The following SSBP2 variants were observed in gnomAD, a reference collection of about 807,000 sequenced individuals.
SSBP2 encodes single stranded DNA binding protein 2, also known as single-stranded DNA-binding protein 2.
SSBP2 carries 17 observed loss-of-function variants against 61.8 expected under a neutral mutation model. The observed-to-expected ratio is 0.28, with a 90% CI of 0.19 to 0.41. The LOEUF is 0.41. Among genes scored for constraint, SSBP2 ranks in the 10% least tolerant of loss-of-function variants. The probability of loss-of-function intolerance (pLI) is 1.00; values close to 1 mark genes in which losing one functional copy is unlikely to be tolerated. For missense variants in SSBP2, 310 were observed against 458.7 expected, an observed-to-expected ratio of 0.68 and a Z score of 2.96; for synonymous variants, 139 against 141.3, an observed-to-expected ratio of 0.98 and a Z score of 0.12.
chr5:81,735,822 C>T lies in SSBP2; in HGVS notation c.62+15159G>A, dbSNP rs542381527. The stretch of plus-strand genomic sequence containing the variant: ...CCATAAAATATTAGATAAAATAGAA[C>T]ATCGATAACCATACTTTATCATTTC... On this transcript the variant is annotated intron_variant, in intron 1 of 16. Coordinates refer to ENST00000320672, the MANE Select transcript of SSBP2 (RefSeq NM_012446.5). Among the ~76,000 whole-genome samples, 15 of 152,196 alleles carry T rather than the reference C, an allele frequency of 9.9e-5. 1 individual carries two copies. The South Asian group carries it at 2.1e-3, about 21-fold the overall frequency.
intron 5 of SSBP2, among the ~76,000 whole-genome samples, chr5:81,511,177 T>C (rs759162039): frequency 1.1e-4 from 16 of 152,204 alleles, no homozygotes; most frequent in Non-Finnish European, 1.6e-4. Flanking sequence ...ATTTACTATT[T>C]TGACAATACT....
At position 81,745,566 on chromosome 5, in the gene SSBP2, CAT is replaced by C. The variant is rs113839094; in HGVS notation, c.62+5413_62+5414del. On this transcript the variant is annotated intron_variant, in intron 1 of 16. Transcript: ENST00000320672. Reference sequence around the variant, plus strand: ...TTTAGCATACGCTTACAGAGGCTCACATGTCACTAGCATGCAAATATATAATC... The same window carrying C: ...TTTAGCATACGCTTACAGAGGCTCACGTCACTAGCATGCAAATATATAATC... Among the ~76,000 whole-genome samples, 119 of 152,210 alleles carry C rather than the reference CAT, an allele frequency of 7.8e-4. 3 individuals are homozygous for C. The East Asian group carries it at 0.016, about 20-fold the overall frequency.
At chr5:81,633,935 G>A (rs762889879) in intron 3 of SSBP2, among the ~76,000 whole-genome samples, 5 of 152,102 alleles carry the variant, frequency 3.3e-5, no homozygotes, top group Admixed American at 1.3e-4. Flanking sequence ...GGACTTATTC[G>A]TGTTCCATCC....
rs1039604530 is a variant in SSBP2, at chr5:81,668,489, A to G, written c.63-18150T>C. On this transcript the variant is annotated intron_variant, in intron 1 of 16. Coordinates refer to ENST00000320672, the MANE Select transcript of SSBP2 (RefSeq NM_012446.5). ...TTTTCGTTAAAAAAAGAAACTAAACATAATTATAAAACTGCATTTTTACTT... is the reference window on the plus strand; with the variant it reads ...TTTTCGTTAAAAAAAGAAACTAAACGTAATTATAAAACTGCATTTTTACTT... Among the ~76,000 whole-genome samples the G allele has an allele frequency of 1.6e-4, 24 of 152,062 alleles. 1 individual carries two copies. Among genetic ancestry groups the G allele is most frequent in the Non-Finnish European group, 8.8e-5 (6 of 67,988 alleles).
chr5:81,487,561 A>T (rs975207703), intron 6 of SSBP2, among the ~76,000 whole-genome samples: 1 of 152,066 alleles, frequency 6.6e-6, no homozygotes, highest in African/African-American at 2.4e-5. Flanking sequence ...AGTAAACAAA[A>T]GTATGTTCAT....
intron 10 of SSBP2, among the ~76,000 whole-genome samples, chr5:81,453,022 T>C (rs1188278775): frequency 6.6e-6 from 1 of 151,224 alleles, no homozygotes; most frequent in Non-Finnish European, 1.5e-5. Context: ...AGACCAGGCA[T>C]GGCAGCTCAC....
At chr5:81,570,012 G>C (rs1002370972) in intron 4 of SSBP2, among the ~76,000 whole-genome samples, 6 of 151,718 alleles carry the variant, frequency 4.0e-5, no homozygotes, top group South Asian at 4.2e-4. Context: ...TTAGAACTCT[G>C]ATTTAAAAAA....
intron 4 of SSBP2, among the ~76,000 whole-genome samples, chr5:81,515,056 T>C (rs1306767778): frequency 1.3e-5 from 2 of 152,072 alleles, no homozygotes; most frequent in Non-Finnish European, 2.9e-5. Context: ...CATTTGTCAG[T>C]TATTGCTCTA....
At chr5:81,735,888 C>G (rs1192189182) in intron 1 of SSBP2, among the ~76,000 whole-genome samples, 1 of 152,140 alleles carries the variant, frequency 6.6e-6, no homozygotes, top group Non-Finnish European at 1.5e-5. Flanking sequence ...AGCTTATCCT[C>G]TTAAAAATGA....
At chr5:81,675,056 A>T (rs1041266498) in intron 1 of SSBP2, among the ~76,000 whole-genome samples, 1 of 152,218 alleles carries the variant, frequency 6.6e-6, no homozygotes, top group African/African-American at 2.4e-5. Context: ...GAAATACCAT[A>T]GAAGCTCCAA....
intron 1 of SSBP2, among the ~76,000 whole-genome samples, chr5:81,730,360 G>GATTAC (rs1304430057): frequency 2.0e-5 from 3 of 152,148 alleles, no homozygotes; most frequent in African/African-American, 4.8e-5. Context: ...AAGTAGCTGG[G>GATTAC]ATTACAGGCG....
At chr5:81,524,457 A>G (rs1769755018) in intron 4 of SSBP2, among the ~76,000 whole-genome samples, 2 of 152,034 alleles carry the variant, frequency 1.3e-5, no homozygotes, top group Non-Finnish European at 2.9e-5. Flanking sequence ...TTAAGCTGCT[A>G]AATTTGTGGT....
chr5:81,680,819 T>C (rs1409217224), intron 1 of SSBP2, among the ~76,000 whole-genome samples: 4 of 152,238 alleles, frequency 2.6e-5, no homozygotes, highest in African/African-American at 9.6e-5. Flanking sequence ...TATTGTATTA[T>C]ACTTGGAGAC....
intron 1 of SSBP2, among the ~76,000 whole-genome samples, chr5:81,729,491 A>T (rs1756111992): frequency 6.6e-6 from 1 of 152,180 alleles, no homozygotes; most frequent in Non-Finnish European, 1.5e-5. Flanking sequence ...AGGTATAGAG[A>T]ATAAATGAAT....
At chr5:81,511,625 T>C (rs1390578740) in intron 5 of SSBP2, among the ~76,000 whole-genome samples, 1 of 152,224 alleles carries the variant, frequency 6.6e-6, no homozygotes, top group Non-Finnish European at 1.5e-5. Flanking sequence ...CTTATTTTGG[T>C]GGACAATGTT....
chr5:81,631,477 G>GAA lies in SSBP2; in HGVS notation c.197+5078_197+5079dup, dbSNP rs767588950. Among the ~76,000 whole-genome samples, 537 of 125,466 alleles carry GAA rather than the reference G, an allele frequency of 4.3e-3. 8 individuals are homozygous for GAA. Among genetic ancestry groups the GAA allele is most frequent in the African/African-American group, 0.014 (474 of 34,848 alleles). The allele number at this position is 125,466 out of a possible 152,430, so 82.3% of individuals were successfully genotyped here. ...AGAAATTCTTTTAATAGAAGAAATG[G>GAA]AAAAAAAAAAAAAACACCCCACCTA... On this transcript the variant is annotated intron_variant, in intron 3 of 16. Coordinates refer to ENST00000320672, the MANE Select transcript of SSBP2 (RefSeq NM_012446.5).
At position 81,440,571 on chromosome 5, in the gene SSBP2, C is replaced by T; in HGVS notation, c.915G>A (p.Met305Ile). Residue 305 changes from methionine (M) to isoleucine (I), a missense_variant, in exon 14 of 17, where the codon ATG (methionine) becomes ATA (isoleucine). Around this residue, in one of 4 missense-constraint regions of SSBP2, gnomAD observed 44 missense variants for 86.2 expected, o/e 0.51. Transcript: ENST00000320672. The stretch of plus-strand genomic sequence containing the variant: ...GAAAAGCCTTACCTAAAGAGCCATT[C>T]ATGTGATGTGACTCCATTCCTCCTA... 8.1e-6 allele frequency: 13 copies of T among 1,613,272 alleles called. No individual in the cohort carries two copies. The highest frequency in any genetic ancestry group is 1.1e-5 in the Non-Finnish European group (13 of 1,179,374).
intron 1 of SSBP2, among the ~76,000 whole-genome samples, chr5:81,717,659 C>G (rs1403979285): frequency 6.6e-6 from 1 of 152,156 alleles, no homozygotes; most frequent in Non-Finnish European, 1.5e-5. Flanking sequence ...AAGGTCCCCA[C>G]AAAATTTAAC....
At chr5:81,468,270 T>C (rs769338619) in intron 8 of SSBP2, among the ~76,000 whole-genome samples, 41 of 152,032 alleles carry the variant, frequency 2.7e-4, no homozygotes, top group Non-Finnish European at 5.3e-4. Context: ...ATCTATGAAA[T>C]AGCTCTTGAA....
Sources: gnomAD v4.1 joint callset for allele counts (sites outside exome capture counted in the v4.1 genomes callset) on GRCh38, gnomAD v4.1.1 for gene constraint, gnomAD v4.1.1 regional missense constraint, MANE v1.5 for transcripts, NCBI Gene and HGNC (gene_info 2026-07-23, HGNC 2026-07-21) for gene names.